The following FRYL variants were observed in gnomAD, a reference collection of about 807,000 sequenced individuals.
FRYL encodes the protein protein furry homolog-like.
FRYL carries 150 observed loss-of-function variants against 351.2 expected under a neutral mutation model. The ratio of observed to expected loss-of-function variants is 0.43; its 90% confidence interval spans 0.37 to 0.49. The LOEUF (loss-of-function observed/expected upper bound fraction) is 0.49. FRYL is among the 20% of genes least tolerant of loss of function. The probability of loss-of-function intolerance (pLI) is 0.00; values close to 1 mark genes in which losing one functional copy is unlikely to be tolerated. For missense variants in FRYL, 3,036 were observed against 3,619.3 expected, an observed-to-expected ratio of 0.84 and a Z score of 4.13; for synonymous variants, 1,153 against 1,257.1, an observed-to-expected ratio of 0.92 and a Z score of 1.75.
intron 7 of FRYL, among the ~76,000 whole-genome samples, chr4:48,610,696 T>C (rs1013367787): frequency 6.9e-6 from 1 of 145,850 alleles, no homozygotes; most frequent in African/African-American, 2.5e-5. Context: ...TATATACATA[T>C]ATTATATACA....
At chr4:48,703,226 GAC>G (rs1365435581) in intron 2 of FRYL, among the ~76,000 whole-genome samples, 1 of 152,144 alleles carries the variant, frequency 6.6e-6, no homozygotes, top group Non-Finnish European at 1.5e-5. Context: ...GGGGAATAGG[GAC>G]TAAGACAGTA....
chr4:48,697,253 A>G (rs1314717384), intron 2 of FRYL, among the ~76,000 whole-genome samples: 2 of 152,044 alleles, frequency 1.3e-5, no homozygotes, highest in African/African-American at 4.8e-5. Flanking sequence ...TTTTACCTAA[A>G]TTTTACCTAA....
chr4:48,674,245 T>C (rs1202141991), intron 3 of FRYL, among the ~76,000 whole-genome samples: 1 of 152,122 alleles, frequency 6.6e-6, no homozygotes, highest in East Asian at 1.9e-4. Context: ...CAGTAAATAA[T>C]ATCTTCCTCC....
chr4:48,656,114 A>G (rs570521296), intron 3 of FRYL, among the ~76,000 whole-genome samples: 2 of 104,396 alleles, frequency 1.9e-5, no homozygotes, highest in African/African-American at 5.9e-5. Context: ...GTATACATAT[A>G]TACATAAATA....
chr4:48,500,805 C>T (rs147675514), intron 62 of FRYL, among the ~76,000 whole-genome samples: 2 of 152,250 alleles, frequency 1.3e-5, no homozygotes, highest in African/African-American at 4.8e-5. Context: ...ACAATGTGGG[C>T]TGGGCACGGT....
intron 60 of FRYL, 99 bp from the exon 61 acceptor site, chr4:48,502,944 G>A (rs1720046903): frequency 1.1e-6 from 1 of 887,916 alleles, no homozygotes; most frequent in Non-Finnish European, 1.8e-6. Flanking sequence ...AGATGTTCCA[G>A]GTAAACTGAA....
In FRYL at chr4:48,549,876, T is replaced by C. The variant is rs2148983258; in HGVS notation, c.4634-253A>G. Among the ~76,000 whole-genome samples the C allele has an allele frequency of 6.6e-6, 1 of 152,298 alleles. No homozygotes were observed. Among genetic ancestry groups the C allele is most frequent in the Non-Finnish European group, 1.5e-5 (1 of 68,014 alleles). On this transcript the variant is annotated intron_variant, in intron 38 of 63. Coordinates refer to ENST00000358350, the MANE Select transcript of FRYL (RefSeq NM_015030.2). The surrounding 1 kb of genome is among the most constrained non-coding windows in gnomAD (Gnocchi z 4.2). Reference sequence around the variant, plus strand: ...AAAGCAAAACTATATTAGCACTTCATCATGATTCCATCAATGATGTCCAAG... The same window carrying C: ...AAAGCAAAACTATATTAGCACTTCACCATGATTCCATCAATGATGTCCAAG...
chr4:48,678,048 A>G (rs1226390937), intron 3 of FRYL, among the ~76,000 whole-genome samples: 1 of 152,222 alleles, frequency 6.6e-6, no homozygotes, highest in Non-Finnish European at 1.5e-5. Flanking sequence ...GAACCGTCAT[A>G]TTTACAATTT....
chr4:48,680,902 G>T (rs112305212), intron 3 of FRYL: 123 of 908,466 alleles, frequency 1.4e-4, no homozygotes, highest in Non-Finnish European at 2.5e-5. Context: ...TTTTTTAAAG[G>T]ATGCAAAGAA....
chr4:48,594,000 G>A lies in FRYL; in HGVS notation c.1265C>T (p.Ala422Val). ...QFIAQERLDFAMKEIIFDLLS... is the reference protein window; with the variant it reads ...QFIAQERLDFVMKEIIFDLLS... ...AAGATCAAATATTATTTCTTTCATT[G>A]CAAAATCCAAGCGTTCCTTAAAAAA... The change falls in exon 16 of 64, where the codon GCA (alanine) becomes GTA (valine). Residue 422 changes from alanine (A) to valine (V), a missense_variant. Physicochemically the swap from Ala to Val is moderately conservative, Grantham distance 64 (BLOSUM62 0). Transcript: ENST00000358350. 6.8e-7 allele frequency: 1 copy of A among 1,475,000 alleles called. No individual in the cohort carries two copies. Among genetic ancestry groups the A allele is most frequent in the South Asian group, 1.4e-5 (1 of 70,332 alleles). 91.4% of individuals were successfully genotyped at this position (1,475,000 alleles called of 1,614,324 possible).
intron 46 of FRYL, 137 bp downstream of exon 46, chr4:48,540,215 CA>C: frequency 8.2e-7 from 1 of 1,216,878 alleles, no homozygotes; most frequent in Non-Finnish European, 1.1e-6. Flanking sequence ...TGGCTTTTAC[CA>C]AATAATTTAA....
chr4:48,536,266 C>T (rs4694896), intron 47 of FRYL, among the ~76,000 whole-genome samples: 149,806 of 152,276 alleles, frequency 0.98, 73,724 homozygotes, highest in East Asian at 1. Context: ...TCCAGCTGTG[C>T]CCGGGGTATC....
chr4:48,774,789 C>T (rs1042951760), intron 1 of FRYL, among the ~76,000 whole-genome samples: 1 of 152,236 alleles, frequency 6.6e-6, no homozygotes, highest in African/African-American at 2.4e-5. Context: ...CTCAGTGATC[C>T]GCCCACCTCA....
chr4:48,675,902 C>T (rs1046261547), intron 3 of FRYL, among the ~76,000 whole-genome samples: 1 of 152,188 alleles, frequency 6.6e-6, no homozygotes, highest in Non-Finnish European at 1.5e-5. Context: ...TGTAAATACA[C>T]CAATCAGCAC....
chr4:48,502,962 T>C, intron 60 of FRYL, 117 bp from the exon 61 acceptor site: 1 of 702,238 alleles, frequency 1.4e-6, no homozygotes, highest in East Asian at 2.8e-5. Flanking sequence ...GAAGAACATA[T>C]ATTTATACCC....
At chr4:48,698,204 C>A (rs1035792674) in intron 2 of FRYL, among the ~76,000 whole-genome samples, 3 of 152,190 alleles carry the variant, frequency 2.0e-5, no homozygotes, top group Admixed American at 6.5e-5. Context: ...GAGAAGGGAA[C>A]AGGAAAGACT....
At chr4:48,569,010 T>C (rs925925820) in intron 27 of FRYL, among the ~76,000 whole-genome samples, 1 of 152,214 alleles carries the variant, frequency 6.6e-6, no homozygotes. Flanking sequence ...TAACTTTCTA[T>C]TAATAACTCT....
At chr4:48,751,535 C>G (rs1210005977) in intron 1 of FRYL, among the ~76,000 whole-genome samples, 1 of 151,926 alleles carries the variant, frequency 6.6e-6, no homozygotes, top group Non-Finnish European at 1.5e-5. Context: ...TGAAGTCTGA[C>G]AAGAGATACA....
chr4:48,622,990 T>C lies in FRYL; in HGVS notation c.174+136A>G, dbSNP rs1750972390. Reference sequence around the variant, plus strand: ...TTATACTACTTATTTAAAAAAACTATCAAATCTAGAATGAATTAAGCATAC... The same window carrying C: ...TTATACTACTTATTTAAAAAAACTACCAAATCTAGAATGAATTAAGCATAC... On this transcript the variant is annotated intron_variant, in intron 5 of 63. Coordinates refer to ENST00000358350, the MANE Select transcript of FRYL (RefSeq NM_015030.2). 4 of 607,360 alleles carry C rather than the reference T, an allele frequency of 6.6e-6. 1 individual carries two copies. The South Asian group carries it at 8.6e-5, about 13-fold the overall frequency. 37.6% of individuals were successfully genotyped at this position (607,360 alleles called of 1,614,324 possible).
Sources: allele counts gnomAD v4.1 joint callset (sites outside exome capture counted in the v4.1 genomes callset), GRCh38; gene constraint gnomAD v4.1.1; non-coding constraint Gnocchi (gnomAD v3.1); transcripts MANE v1.5; gene names NCBI Gene and HGNC (gene_info 2026-07-23, HGNC 2026-07-21).